DMRTC1B: variants seen among roughly 807,000 people sequenced by gnomAD.
The protein encoded by DMRTC1B is doublesex- and mab-3-related transcription factor C1.
At chrX:72,820,526 T>G (rs1419925281) in intron 1 of DMRTC1B, among the ~76,000 whole-genome samples, 26 of 113,472 alleles carry the variant, frequency 2.3e-4, no homozygotes, top group South Asian at 3.5e-4. Context: ...TTTTTTTTTT[T>G]TTTTTTTTTT....
At chrX:72,807,769 C>G in intron 1 of DMRTC1B, 1 of 387,302 alleles carries the variant, frequency 2.6e-6, no homozygotes, top group Non-Finnish European at 4.0e-6. Flanking sequence ...CCTCTGGAAC[C>G]GGCTCCTCCA....
chrX:72,839,548 C>T (rs1603283596), intron 1 of DMRTC1B, among the ~76,000 whole-genome samples: 1 of 106,790 alleles, frequency 9.4e-6, no homozygotes, highest in East Asian at 2.9e-4. Context: ...AAAATAGATT[C>T]CTCATATTTA....
chrX:72,839,127 ATTGT>A (rs1188311629), intron 1 of DMRTC1B, among the ~76,000 whole-genome samples: 2 of 108,416 alleles, frequency 1.8e-5, no homozygotes, highest in African/African-American at 3.5e-5. Flanking sequence ...GGTTTAAAAA[ATTGT>A]TTGGGGGTAC....
At chrX:72,807,352 C>G in intron 1 of DMRTC1B, 1 of 361,847 alleles carries the variant, frequency 2.8e-6, no homozygotes. Context: ...CTTCACAACC[C>G]CACCACCACC....
intron 1 of DMRTC1B, among the ~76,000 whole-genome samples, chrX:72,820,525 T>G (rs1475441310): frequency 1.8e-5 from 2 of 113,501 alleles, no homozygotes; most frequent in African/African-American, 3.2e-5. Flanking sequence ...CTTTTTTTTT[T>G]TTTTTTTTTT....
At chrX:72,839,356 C>T (rs1388983401) in intron 1 of DMRTC1B, among the ~76,000 whole-genome samples, 6 of 111,730 alleles carry the variant, frequency 5.4e-5, no homozygotes, top group Non-Finnish European at 9.4e-5. Flanking sequence ...CATAGGAGTA[C>T]ATTCTAGTGT....
At chrX:72,807,672 A>G in intron 1 of DMRTC1B, 2 of 534,301 alleles carry the variant, frequency 3.7e-6, no homozygotes, top group South Asian at 7.3e-5. Flanking sequence ...GGGGAGGCGG[A>G]TGGGCTTGGT....
At chrX:72,839,666 GA>G (rs1238704343) in intron 1 of DMRTC1B, among the ~76,000 whole-genome samples, 1 of 93,798 alleles carries the variant, frequency 1.1e-5, no homozygotes, top group African/African-American at 4.1e-5. Context: ...TAATCTGGAG[GA>G]GGGGGAGAGG....
chrX:72,802,568 A>C (rs781931007), intron 1 of DMRTC1B, among the ~76,000 whole-genome samples: 2 of 91,647 alleles, frequency 2.2e-5, no homozygotes, highest in African/African-American at 6.8e-5. Flanking sequence ...ACCACCCAGG[A>C]CTGCTGTGAG....
chrX:72,806,646 A>G (rs1603282461), intron 1 of DMRTC1B, among the ~76,000 whole-genome samples: 2 of 57,742 alleles, frequency 3.5e-5, no homozygotes, highest in African/African-American at 5.7e-5. Flanking sequence ...GAGACGGGGG[A>G]GGGGGAGAGA....
intron 1 of DMRTC1B, among the ~76,000 whole-genome samples, chrX:72,804,211 AG>A: frequency 3.6e-5 from 1 of 27,518 alleles, no homozygotes; most frequent in African/African-American, 6.4e-5. Flanking sequence ...GCACTGGAGG[AG>A]GGGCACGACA....
chrX:72,820,609 CTG>C, intron 1 of DMRTC1B, among the ~76,000 whole-genome samples: 3 of 96,590 alleles, frequency 3.1e-5, no homozygotes, highest in Non-Finnish European at 6.1e-5. Flanking sequence ...GCTCCGCCCC[CTG>C]GGGTTCACGC....
chrX:72,820,248 T>C (rs1171401856), intron 1 of DMRTC1B, among the ~76,000 whole-genome samples: 1 of 49,182 alleles, frequency 2.0e-5, no homozygotes, highest in African/African-American at 7.7e-5. Context: ...TAGATAGCAG[T>C]GTCTCCTCTT....
intron 1 of DMRTC1B, among the ~76,000 whole-genome samples, chrX:72,839,156 G>A (rs1211630777): frequency 9.0e-6 from 1 of 111,062 alleles, no homozygotes; most frequent in East Asian, 2.8e-4. Context: ...TGCAATTAGA[G>A]GACACTAAAG....
intron 1 of DMRTC1B, among the ~76,000 whole-genome samples, chrX:72,802,497 C>T (rs1461798933): frequency 1.6e-5 from 1 of 61,376 alleles, no homozygotes; most frequent in African/African-American, 3.7e-5. Flanking sequence ...ATCTTCACAA[C>T]CCCTCTGTGA....
At chrX:72,820,275 C>A (rs2054687922) in intron 1 of DMRTC1B, among the ~76,000 whole-genome samples, 1 of 56,651 alleles carries the variant, frequency 1.8e-5, no homozygotes. Flanking sequence ...TTGATTTCAG[C>A]GAATAGAACC....
intron 1 of DMRTC1B, among the ~76,000 whole-genome samples, chrX:72,807,220 C>A: frequency 1.3e-5 from 1 of 74,104 alleles, no homozygotes. Context: ...AGCTGAGAGC[C>A]GTGGAAAACT....
chrX:72,808,050 G>A, intron 1 of DMRTC1B: 1 of 278,261 alleles, frequency 3.6e-6, no homozygotes. Context: ...GACATTCCAG[G>A]ACAACGGAGG....
At chrX:72,805,110 C>A (rs369270709) in intron 1 of DMRTC1B, among the ~76,000 whole-genome samples, 1 of 44,303 alleles carries the variant, frequency 2.3e-5, no homozygotes, top group East Asian at 7.5e-4. Flanking sequence ...AATGGTTCAT[C>A]ATGCAATGGG....
Sources: gnomAD v4.1 joint callset for allele counts (sites outside exome capture counted in the v4.1 genomes callset) on GRCh38, gnomAD v4.1.1 for gene constraint, MANE v1.5 for transcripts, NCBI Gene and HGNC (gene_info 2026-07-23, HGNC 2026-07-21) for gene names.